LIPA: variants seen among roughly 807,000 people sequenced by gnomAD.
LIPA encodes lipase A, lysosomal acid type.
A neutral mutation model predicts 40.6 loss-of-function variants in LIPA; 26 were observed. The ratio of observed to expected loss-of-function variants is 0.64; its 90% CI spans 0.47 to 0.89. The LOEUF (loss-of-function observed/expected upper bound fraction) is 0.89. Among genes scored for constraint, LIPA ranks in the 40% least tolerant of loss-of-function variants. The probability of loss-of-function intolerance (pLI) is 0.00; values close to 1 mark genes in which losing one functional copy is unlikely to be tolerated. For missense variants in LIPA, 455 were observed against 479.6 expected, an observed-to-expected ratio of 0.95 and a Z score of 0.48; for synonymous variants, 188 against 168.4, an observed-to-expected ratio of 1.12 and a Z score of -0.90.
chr10:89,238,994 T>C (rs929045787), intron 3 of LIPA, among the ~76,000 whole-genome samples: 1 of 152,176 alleles, frequency 6.6e-6, no homozygotes, highest in Non-Finnish European at 1.5e-5. Flanking sequence ...TGAAGAAGGA[T>C]AGAGTGAAGT....
At position 89,214,369 on chromosome 10, in the gene LIPA, C is replaced by G. The variant is rs368430299; in HGVS notation, c.*459G>C. On this transcript the variant is annotated 3_prime_UTR_variant, in exon 10 of 10. Coordinates refer to ENST00000336233, the MANE Select transcript of LIPA (RefSeq NM_000235.4). The stretch of plus-strand genomic sequence containing the variant: ...TCATTTAGATCTCTAACTACAAGAC[C>G]GTTAGACTAGAGAGCTCTTTAAGGC... The G allele has an allele frequency of 6.3e-6, 1 of 159,222 alleles. No homozygotes were observed. The highest frequency in any genetic ancestry group is 2.4e-5 in the African/African-American group (1 of 41,472). 9.9% of individuals were successfully genotyped at this position (159,222 alleles called of 1,614,324 possible).
intron 2 of LIPA, chr10:89,383,883 A>AT: frequency 1.2e-6 from 2 of 1,614,224 alleles, no homozygotes; most frequent in Non-Finnish European, 1.7e-6. Flanking sequence ...GCCTGGATAA[A>AT]TTTAACACAG....
chr10:89,244,195 G>A (rs1589570354), intron 3 of LIPA, among the ~76,000 whole-genome samples: 3 of 152,122 alleles, frequency 2.0e-5, no homozygotes, highest in South Asian at 2.1e-4. Flanking sequence ...AATGGTTGTC[G>A]TGGCCACCTA....
intron 3 of LIPA, among the ~76,000 whole-genome samples, chr10:89,234,075 G>A (rs1023378940): frequency 2.0e-5 from 3 of 152,234 alleles, no homozygotes; most frequent in Admixed American, 6.5e-5. Context: ...GAAGGAGAAA[G>A]TTACTTGGCC....
At chr10:89,330,945 G>T (rs1303322801) in intron 1 of LIPA, among the ~76,000 whole-genome samples, 1 of 152,204 alleles carries the variant, frequency 6.6e-6, no homozygotes, top group Non-Finnish European at 1.5e-5. Context: ...ATCTCTGGGA[G>T]TAGGACTGCA....
intron 1 of LIPA, among the ~76,000 whole-genome samples, chr10:89,318,616 A>G (rs997783814): frequency 1.3e-5 from 2 of 152,208 alleles, no homozygotes; most frequent in Non-Finnish European, 2.9e-5. Context: ...TAATAACAGG[A>G]GACTTTAACA....
At chr10:89,229,248 G>A (rs1488824557) in intron 3 of LIPA, among the ~76,000 whole-genome samples, 2 of 152,182 alleles carry the variant, frequency 1.3e-5, no homozygotes, top group Non-Finnish European at 2.9e-5. Context: ...GATCTGTAAA[G>A]GCTGCATTCT....
At chr10:89,238,648 CA>C (rs1842932991) in intron 3 of LIPA, among the ~76,000 whole-genome samples, 1 of 152,110 alleles carries the variant, frequency 6.6e-6, no homozygotes, top group African/African-American at 2.4e-5. Context: ...TAGCCTGTTC[CA>C]ACATAAGAAT....
At chr10:89,307,587 G>A (rs1167332919) in intron 1 of LIPA, 2 of 472,522 alleles carry the variant, frequency 4.2e-6, no homozygotes, top group Non-Finnish European at 7.5e-6. Context: ...TGGGGGGTAG[G>A]TCCACGGGCT....
chr10:89,236,913 T>A (rs1307968705), intron 3 of LIPA, among the ~76,000 whole-genome samples: 2 of 152,292 alleles, frequency 1.3e-5, no homozygotes, highest in East Asian at 3.9e-4. Flanking sequence ...GTGAAGAATC[T>A]AAAGTTGGAG....
chr10:89,365,785 G>T (rs1464812328), intron 2 of LIPA, among the ~76,000 whole-genome samples: 1 of 152,030 alleles, frequency 6.6e-6, no homozygotes, highest in Non-Finnish European at 1.5e-5. Context: ...ATTTCTGAGG[G>T]CTCTGTTCTG....
intron 2 of LIPA, chr10:89,383,793 C>G (rs1254827934): frequency 1.2e-6 from 2 of 1,614,174 alleles, no homozygotes; most frequent in South Asian, 2.2e-5. Flanking sequence ...ATGAACGGGC[C>G]AAGACCTGCT....
chr10:89,380,597 C>T (rs1347624336), intron 2 of LIPA, among the ~76,000 whole-genome samples: 2 of 152,082 alleles, frequency 1.3e-5, no homozygotes, highest in Admixed American at 6.5e-5. Context: ...CCAGGCCCGG[C>T]TAATTTTTGT....
intron 2 of LIPA, among the ~76,000 whole-genome samples, chr10:89,356,251 T>C (rs1250026979): frequency 6.6e-6 from 1 of 152,054 alleles, no homozygotes; most frequent in Non-Finnish European, 1.5e-5. Flanking sequence ...GGAGCTTCCA[T>C]GTTTTTGCTT....
chr10:89,333,591 T>C (rs1404388225), intron 1 of LIPA, among the ~76,000 whole-genome samples: 2 of 152,078 alleles, frequency 1.3e-5, no homozygotes, highest in Middle Eastern at 3.2e-3. Flanking sequence ...TCCCAGCACT[T>C]TGGGAGGCTG....
intron 1 of LIPA, among the ~76,000 whole-genome samples, chr10:89,311,856 G>A (rs961256859): frequency 1.3e-5 from 2 of 152,054 alleles, no homozygotes; most frequent in Non-Finnish European, 2.9e-5. Context: ...AATCTGATGA[G>A]TGCATGCATA....
rs114970065 is a variant in LIPA, at chr10:89,217,247, C to T, written c.895-1238G>A. 2.8e-3 allele frequency among the ~76,000 whole-genome samples: 420 copies of T among 152,302 alleles called. 1 individual carries two copies. Among genetic ancestry groups the T allele is most frequent in the African/African-American group, 9.2e-3 (383 of 41,562 alleles). On this transcript the variant is annotated intron_variant, in intron 8 of 9. Coordinates refer to ENST00000336233, the MANE Select transcript of LIPA (RefSeq NM_000235.4). Reference sequence around the variant, plus strand: ...ATGTGAAGTCTGTTCTAATCAACTGCATACAATTCTACTGTTTGATGTAAT... The same window carrying T: ...ATGTGAAGTCTGTTCTAATCAACTGTATACAATTCTACTGTTTGATGTAAT...
chr10:89,260,772 C>T (rs1843203541), intron 1 of LIPA, among the ~76,000 whole-genome samples: 1 of 152,140 alleles, frequency 6.6e-6, no homozygotes, highest in South Asian at 2.1e-4. Context: ...GCTCTGCCTC[C>T]CAAAGGGAGG....
intron 1 of LIPA, among the ~76,000 whole-genome samples, chr10:89,277,489 G>A (rs1843294756): frequency 6.6e-6 from 1 of 152,172 alleles, no homozygotes; most frequent in Non-Finnish European, 1.5e-5. Flanking sequence ...AACATTAGAG[G>A]CATGGAACAG....
Sources: allele counts gnomAD v4.1 joint callset (sites outside exome capture counted in the v4.1 genomes callset), GRCh38; gene constraint gnomAD v4.1.1; transcripts MANE v1.5; gene names NCBI Gene and HGNC (gene_info 2026-07-23, HGNC 2026-07-21).